Variants in CABP7 observed in about 807,000 individuals in gnomAD.
The protein encoded by CABP7 is calcium-binding protein 7.
CABP7 carries 13 observed loss-of-function variants against 23.1 expected under a neutral mutation model. The ratio of observed to expected loss-of-function variants is 0.56; its 90% confidence interval spans 0.37 to 0.90. CABP7 has a LOEUF of 0.90. Among genes scored for constraint, CABP7 ranks in the 40% least tolerant of loss-of-function variants. The pLI, the probability that CABP7 is intolerant of heterozygous loss-of-function variation, is 0.01. For synonymous variants in CABP7, 123 were observed against 115.3 expected (o/e 1.07, Z -0.43); for missense variants, 248 against 295.6 (o/e 0.84, Z 1.18).
rs751175453 is a variant in CABP7, at chr22:29,730,870, A to C, written c.*1301A>C. 8.3e-5 allele frequency: 14 copies of C among 168,754 alleles called. No homozygotes were observed. Among genetic ancestry groups the C allele is most frequent in the Admixed American group, 1.3e-4 (2 of 15,708 alleles). 10.5% of individuals were successfully genotyped at this position (168,754 alleles called of 1,614,324 possible). A position where few individuals can be genotyped will look rare whatever the true frequency, so the allele number is the denominator to read the frequency against. ...GCGTGGGTCACCTGGGGAAAATCTC[A>C]TCTGATTCCCTCCTTGCCCGACCTC... is the stretch of plus-strand genomic sequence containing the variant. On this transcript the variant is annotated 3_prime_UTR_variant, in exon 5 of 5. Coordinates refer to ENST00000216144, the MANE Select transcript of CABP7 (RefSeq NM_182527.3).
Position 29,720,488 on chromosome 22 carries a change from C to T in CABP7, c.64C>T (p.Leu22=), listed in dbSNP as rs1389522885. ...YRGIYTVPNL[L]SEQRPVDIPE... ...GGGCATCTACACCGTGCCCAACCTG[C>T]TGTCGGAGCAGCGCCCGGTGGACAT... is the stretch of plus-strand genomic sequence containing the variant. Residue 22 remains leucine, a synonymous_variant, in exon 1 of 5, where the codon CTG becomes TTG. Coordinates refer to ENST00000216144, the MANE Select transcript of CABP7 (RefSeq NM_182527.3). This position sits in a 1 kb window ranked among gnomAD's most constrained non-coding sequence, Gnocchi z 5.2. The T allele has an allele frequency of 3.8e-6, 6 of 1,562,978 alleles. No homozygotes were observed. The highest frequency in any genetic ancestry group is 5.2e-6 in the Non-Finnish European group (6 of 1,155,960).
intron 1 of CABP7, among the ~76,000 whole-genome samples, chr22:29,724,321 C>T (rs1323052296): frequency 2.0e-5 from 3 of 152,208 alleles, no homozygotes; most frequent in African/African-American, 4.8e-5. Context: ...CCTCTGGTCC[C>T]AGCGACCGCC....
At position 29,727,814 on chromosome 22, in the gene CABP7, C is replaced by G. The variant is rs1056175644; in HGVS notation, c.253+9C>G. The stretch of plus-strand genomic sequence containing the variant: ...GCGGCTGGACATGGATGGTGAGCAC[C>G]CCCCCGCCTCGGTTTCCCCACCTGG... On this transcript the variant is annotated intron_variant, in intron 2 of 4. Transcript: ENST00000216144. This position sits in a 1 kb window ranked among gnomAD's most constrained non-coding sequence, Gnocchi z 4.2. The G allele has an allele frequency of 1.9e-6, 3 of 1,601,368 alleles. 1 individual carries two copies. The highest frequency in any genetic ancestry group is 2.3e-5 in the East Asian group (1 of 44,306).
Position 29,729,595 on chromosome 22 carries a change from G to C in CABP7, c.*26G>C. Reference sequence around the variant, plus strand: ...ACGCCACCTGGATGCCCCATCCACCGCATGCGGTGCCCGTGGCCCGCCCCA... The same window carrying C: ...ACGCCACCTGGATGCCCCATCCACCCCATGCGGTGCCCGTGGCCCGCCCCA... On this transcript the variant is annotated 3_prime_UTR_variant, in exon 5 of 5. Transcript: ENST00000216144. The C allele has an allele frequency of 6.2e-7, 1 of 1,604,058 alleles. No homozygotes were observed. Among genetic ancestry groups the C allele is most frequent in the South Asian group, 1.1e-5 (1 of 90,988 alleles).
Position 29,727,046 on chromosome 22 carries a change from T to C in CABP7, c.110-616T>C, listed in dbSNP as rs953799812. On this transcript the variant is annotated intron_variant, in intron 1 of 4. Transcript: ENST00000216144. This position sits in a 1 kb window ranked among gnomAD's most constrained non-coding sequence, Gnocchi z 4.2. ...GGCCTCGGTCTTCTGCTCCGTACAG[T>C]GTGGAGGGCGACCCCCCACCCAGTC... 2.0e-5 allele frequency among the ~76,000 whole-genome samples: 3 copies of C among 152,022 alleles called. No homozygotes were observed. The highest frequency in any genetic ancestry group is 4.4e-5 in the Non-Finnish European group (3 of 67,976).
In CABP7 at chr22:29,731,157, C is replaced by G; in HGVS notation, c.*1588C>G. On this transcript the variant is annotated 3_prime_UTR_variant, in exon 5 of 5. Coordinates refer to ENST00000216144, the MANE Select transcript of CABP7 (RefSeq NM_182527.3). Reference sequence around the variant, plus strand: ...AGCCTCCATGGGGCGTAGCAGGAACCGGGCTTGGCTTCCTATTGTGACTGA... The same window carrying G: ...AGCCTCCATGGGGCGTAGCAGGAACGGGGCTTGGCTTCCTATTGTGACTGA... 1 of 1,428,606 alleles carries G rather than the reference C, an allele frequency of 7.0e-7. No homozygotes were observed. Among genetic ancestry groups the G allele is most frequent in the Non-Finnish European group, 9.1e-7 (1 of 1,093,338 alleles). The allele number at this position is 1,428,606 out of a possible 1,614,324, so 88.5% of individuals were successfully genotyped here.
chr22:29,720,588 T>C lies in CABP7; in HGVS notation c.109+55T>C. On this transcript the variant is annotated intron_variant, in intron 1 of 4. Coordinates refer to ENST00000216144, the MANE Select transcript of CABP7 (RefSeq NM_182527.3). This position sits in a 1 kb window ranked among gnomAD's most constrained non-coding sequence, Gnocchi z 5.2. ...CGGCCCTCCTACCTGTGCGCCCAGG[T>C]GAAGCGCGGGCCAGGGGCGCGGGGG... 8.1e-7 allele frequency: 1 copy of C among 1,232,070 alleles called. No individual in the cohort carries two copies. The highest frequency in any genetic ancestry group is 2.5e-5 in the Admixed American group (1 of 40,230). The allele number at this position is 1,232,070 out of a possible 1,614,324, so 76.3% of individuals were successfully genotyped here. A position where few individuals can be genotyped will look rare whatever the true frequency, so the allele number is the denominator to read the frequency against.
At chr22:29,726,864 G>A (rs1379158956) in intron 1 of CABP7, among the ~76,000 whole-genome samples, 1 of 152,220 alleles carries the variant, frequency 6.6e-6, no homozygotes, top group African/African-American at 2.4e-5. Flanking sequence ...TGACAGGTGA[G>A]GACCCCCTCA....
At chr22:29,724,962 G>A (rs927166030) in intron 1 of CABP7, among the ~76,000 whole-genome samples, 1 of 152,212 alleles carries the variant, frequency 6.6e-6, no homozygotes, top group Non-Finnish European at 1.5e-5. Flanking sequence ...CTCCCGAAGG[G>A]TAGGAGGGAT....
At position 29,729,219 on chromosome 22, in the gene CABP7, G is replaced by A. The variant is rs771456539; in HGVS notation, c.520+11G>A. ...CCGTGGATGTGGAGAGTGAGTGGCT[G>A]GCCCTGGAACCCCACGGGTGGGCCC... On this transcript the variant is annotated intron_variant, in intron 4 of 4. Transcript: ENST00000216144. 6.2e-7 allele frequency: 1 copy of A among 1,600,532 alleles called. No homozygotes were observed. The highest frequency in any genetic ancestry group is 1.1e-5 in the South Asian group (1 of 89,762).
chr22:29,724,375 C>G (rs938203358), intron 1 of CABP7, among the ~76,000 whole-genome samples: 1 of 152,268 alleles, frequency 6.6e-6, no homozygotes, highest in African/African-American at 2.4e-5. Flanking sequence ...TCAGTCCTCC[C>G]TCTTCTTCTG....
intron 4 of CABP7, 60 bp downstream of exon 4, chr22:29,729,268 C>G: frequency 1.9e-6 from 3 of 1,551,472 alleles, no homozygotes; most frequent in Non-Finnish European, 2.6e-6. Flanking sequence ...GGGGGACGCA[C>G]GGGGTGGGGA....
intron 1 of CABP7, among the ~76,000 whole-genome samples, chr22:29,724,837 G>A (rs761779301): frequency 3.9e-5 from 6 of 152,192 alleles, no homozygotes; most frequent in Non-Finnish European, 8.8e-5. Context: ...TCGCCTGCCC[G>A]TGCATCCCAA....
In CABP7 at chr22:29,729,600, C is replaced by A; in HGVS notation, c.*31C>A. 1 of 1,602,834 alleles carries A rather than the reference C, an allele frequency of 6.2e-7. No individual in the cohort carries two copies. On this transcript the variant is annotated 3_prime_UTR_variant, in exon 5 of 5. Coordinates refer to ENST00000216144, the MANE Select transcript of CABP7 (RefSeq NM_182527.3). ...ACCTGGATGCCCCATCCACCGCATG[C>A]GGTGCCCGTGGCCCGCCCCACACCA...
Position 29,731,230 on chromosome 22 carries a change from C to A in CABP7, c.*1661C>A. 1 of 1,499,274 alleles carries A rather than the reference C, an allele frequency of 6.7e-7. No homozygotes were observed. Among genetic ancestry groups the A allele is most frequent in the Admixed American group, 2.9e-5 (1 of 35,054 alleles). The allele number at this position is 1,499,274 out of a possible 1,614,324, so 92.9% of individuals were successfully genotyped here. ...GTCAGTCGGGGGCAAGGGGCTCAGC[C>A]CCACTGGACTCTGGGCTGCAGAGGC... On this transcript the variant is annotated 3_prime_UTR_variant, in exon 5 of 5. Transcript: ENST00000216144.
chr22:29,722,234 G>A (rs1005964861), intron 1 of CABP7, among the ~76,000 whole-genome samples: 1 of 152,230 alleles, frequency 6.6e-6, no homozygotes, highest in Non-Finnish European at 1.5e-5. Context: ...CCCAGTCCTG[G>A]AGTGCACTCC....
intron 1 of CABP7, among the ~76,000 whole-genome samples, chr22:29,721,952 C>CGAT: frequency 6.6e-6 from 1 of 151,988 alleles, no homozygotes; most frequent in South Asian, 2.1e-4. Flanking sequence ...AGGAGGGGTA[C>CGAT]GATGGTGGGG....
At chr22:29,721,457 G>A (rs895029042) in intron 1 of CABP7, among the ~76,000 whole-genome samples, 1 of 152,116 alleles carries the variant, frequency 6.6e-6, no homozygotes, top group African/African-American at 2.4e-5. Context: ...CTGGGCTGAT[G>A]GGGGTCACGG....
Position 29,729,730 on chromosome 22 carries a change from C to T in CABP7, c.*161C>T. 1.1e-6 allele frequency: 1 copy of T among 910,874 alleles called. No homozygotes were observed. Among genetic ancestry groups the T allele is most frequent in the Non-Finnish European group, 1.6e-6 (1 of 616,430 alleles). The allele number at this position is 910,874 out of a possible 1,614,324, so 56.4% of individuals were successfully genotyped here. On this transcript the variant is annotated 3_prime_UTR_variant, in exon 5 of 5. Transcript: ENST00000216144. ...GCCCTCCCCACCCACCCACGGTCCT[C>T]ACCTGGAGCTGTGGCCTGGCTGTGG...
Sources: gnomAD v4.1 joint callset for allele counts (sites outside exome capture counted in the v4.1 genomes callset) on GRCh38, gnomAD v4.1.1 for gene constraint, Gnocchi (gnomAD v3.1) non-coding constraint, MANE v1.5 for transcripts, NCBI Gene and HGNC (gene_info 2026-07-23, HGNC 2026-07-21) for gene names.